The following CPED1 variants were observed in gnomAD, a reference collection of about 807,000 sequenced individuals.
CPED1 encodes the protein cadherin like and PC-esterase domain containing 1.
CPED1 carries 114 observed loss-of-function variants against 128.2 expected under a neutral mutation model. That is an observed-to-expected ratio of 0.89 (90% CI 0.76 to 1.04). The LOEUF (loss-of-function observed/expected upper bound fraction) is 1.04. CPED1 is among the 50% of genes least tolerant of loss of function. The pLI is 0.00. For missense variants in CPED1, 1,211 were observed against 1,207.1 expected (o/e 1.00, Z -0.05); for synonymous variants, 462 against 426.7 (o/e 1.08, Z -1.02).
At chr7:121,095,972 C>G (rs1362482587) in intron 5 of CPED1, among the ~76,000 whole-genome samples, 1 of 152,028 alleles carries the variant, frequency 6.6e-6, no homozygotes, top group Non-Finnish European at 1.5e-5. Flanking sequence ...AAAACTTGTC[C>G]TAGTAATAGA....
At chr7:121,070,554 C>T (rs1050639859) in intron 5 of CPED1, among the ~76,000 whole-genome samples, 2 of 152,068 alleles carry the variant, frequency 1.3e-5, no homozygotes, top group African/African-American at 4.8e-5. Flanking sequence ...AAATTATACC[C>T]TCACCCCAGT....
At chr7:121,249,887 C>A (rs1470244630) in intron 18 of CPED1, among the ~76,000 whole-genome samples, 1 of 152,084 alleles carries the variant, frequency 6.6e-6, no homozygotes, top group African/African-American at 2.4e-5. Context: ...ATTTAACACC[C>A]CACTGTCAAC....
chr7:121,280,692 GA>G (rs1792445410), intron 22 of CPED1, among the ~76,000 whole-genome samples: 1 of 152,172 alleles, frequency 6.6e-6, no homozygotes, highest in Non-Finnish European at 1.5e-5. Context: ...GCAAAGGGAT[GA>G]AATGAAAGAA....
chr7:121,037,158 T>G (rs1792917951), intron 3 of CPED1, among the ~76,000 whole-genome samples: 1 of 152,102 alleles, frequency 6.6e-6, no homozygotes, highest in Non-Finnish European at 1.5e-5. Context: ...TCCCTTCTAT[T>G]TATCTTTGTT....
intron 16 of CPED1, among the ~76,000 whole-genome samples, chr7:121,209,642 T>C (rs1797602055): frequency 6.6e-6 from 1 of 151,964 alleles, no homozygotes. Flanking sequence ...GACTCAAAAC[T>C]ATGAAACTAC....
chr7:121,242,408 T>A (rs17143205), intron 17 of CPED1, among the ~76,000 whole-genome samples: 5,999 of 152,246 alleles, frequency 0.039, 375 homozygotes, highest in African/African-American at 0.14. Context: ...TTTCAGAATA[T>A]TCCTAGCATT....
At chr7:121,084,772 G>A (rs1235384600) in intron 5 of CPED1, among the ~76,000 whole-genome samples, 2 of 152,208 alleles carry the variant, frequency 1.3e-5, no homozygotes, top group Non-Finnish European at 2.9e-5. Flanking sequence ...ACATTCAAAA[G>A]TTATGTGGGA....
chr7:121,088,608 G>C (rs141270829), intron 5 of CPED1, among the ~76,000 whole-genome samples: 1 of 150,992 alleles, frequency 6.6e-6, no homozygotes, highest in African/African-American at 2.4e-5. Context: ...GCAGTGAGCC[G>C]AGATTGTCCC....
chr7:121,102,571 T>G (rs1382866918), intron 7 of CPED1, among the ~76,000 whole-genome samples: 1 of 152,088 alleles, frequency 6.6e-6, no homozygotes, highest in East Asian at 1.9e-4. Flanking sequence ...AGGCTGAAGG[T>G]TGACAGACAG....
intron 3 of CPED1, among the ~76,000 whole-genome samples, chr7:121,044,650 C>CTTTTTTTTTTTTTTTTTTT (rs58884492): frequency 9.4e-6 from 1 of 106,038 alleles, no homozygotes. Flanking sequence ...ACTTTCTGCT[C>CTTTTTTTTTTTTTTTTTTT]TTTTTTTTTT....
At chr7:121,064,884 G>A (rs1793787358) in intron 5 of CPED1, among the ~76,000 whole-genome samples, 1 of 152,112 alleles carries the variant, frequency 6.6e-6, no homozygotes, top group Admixed American at 6.6e-5. Context: ...GATGAAATAA[G>A]CCCTCATAGA....
At chr7:120,994,878 G>A (rs1796370112) in intron 2 of CPED1, among the ~76,000 whole-genome samples, 1 of 152,162 alleles carries the variant, frequency 6.6e-6, no homozygotes, top group African/African-American at 2.4e-5. Context: ...GACTGGAGTA[G>A]AATTGAAGGC....
At chr7:121,194,022 C>CTCTCTCTCTATATA in intron 16 of CPED1, among the ~76,000 whole-genome samples, 1 of 74,748 alleles carries the variant, frequency 1.3e-5, no homozygotes, top group East Asian at 3.8e-4. Flanking sequence ...CTCTCTCTCT[C>CTCTCTCTCTATATA]TATATATATA....
chr7:121,119,384 C>T (rs1795331031), intron 7 of CPED1, among the ~76,000 whole-genome samples: 2 of 151,094 alleles, frequency 1.3e-5, no homozygotes, highest in African/African-American at 4.9e-5. Flanking sequence ...TCAGGCTAAT[C>T]TCCAACTCCT....
At position 121,266,764 on chromosome 7, in the gene CPED1, G is replaced by C. The variant is rs1792135395; in HGVS notation, c.2589G>C (p.Trp863Cys). The C allele has an allele frequency of 6.2e-7, 1 of 1,612,962 alleles. No individual in the cohort carries two copies. Among genetic ancestry groups the C allele is most frequent in the African/African-American group, 1.3e-5 (1 of 74,940 alleles). Residue 863 changes from tryptophan to cysteine, a missense_variant, in exon 20 of 23, where the codon TGG becomes TGC. Physicochemically the swap from Trp to Cys is radical, Grantham distance 215. Coordinates refer to ENST00000310396, the MANE Select transcript of CPED1 (RefSeq NM_024913.5). ...QTVLVVGGVQ[W>C]LNSNHLQIIH... Reference sequence around the variant, plus strand: ...TATTGGTTGTTGGTGGTGTTCAGTGGCTTAATTCCAATCACCTGCAAATTA... The same window carrying C: ...TATTGGTTGTTGGTGGTGTTCAGTGCCTTAATTCCAATCACCTGCAAATTA...
At chr7:121,195,234 T>C (rs1797245545) in intron 16 of CPED1, among the ~76,000 whole-genome samples, 1 of 152,180 alleles carries the variant, frequency 6.6e-6, no homozygotes, top group South Asian at 2.1e-4. Flanking sequence ...CACAGGTATC[T>C]GTAATACTAA....
intron 16 of CPED1, among the ~76,000 whole-genome samples, chr7:121,223,043 AG>A (rs1797919404): frequency 6.6e-6 from 1 of 152,180 alleles, no homozygotes; most frequent in African/African-American, 2.4e-5. Flanking sequence ...CAGTTTTCAA[AG>A]GGAATGCTTC....
rs1330296384 is a variant in CPED1 at position 121,278,313 on chromosome 7, T to C, written c.2868+6883T>C. 3.9e-5 allele frequency among the ~76,000 whole-genome samples: 6 copies of C among 152,072 alleles called. No homozygotes were observed. In the South Asian group the frequency reaches 1.0e-3, roughly 26 times the overall value. On this transcript the variant is annotated intron_variant, in intron 22 of 22. Transcript: ENST00000310396. ...CTGAGGAGCAGGTTGAGGATTCAGG[T>C]AAATAGTGTGTGGGGTGGCAAATGA...
At chr7:121,246,120 G>A (rs1798525482) in intron 18 of CPED1, among the ~76,000 whole-genome samples, 1 of 152,150 alleles carries the variant, frequency 6.6e-6, no homozygotes, top group Non-Finnish European at 1.5e-5. Flanking sequence ...ATACCATTCT[G>A]ACCTCAGAAT....
Sources: allele counts gnomAD v4.1 joint callset (sites outside exome capture counted in the v4.1 genomes callset), GRCh38; gene constraint gnomAD v4.1.1; transcripts MANE v1.5; gene names NCBI Gene and HGNC (gene_info 2026-07-23, HGNC 2026-07-21).